The following TTLL9 variants were observed in gnomAD, a reference collection of about 807,000 sequenced individuals.
TTLL9 encodes tubulin tyrosine ligase like 9, also known as probable tubulin polyglutamylase TTLL9.
TTLL9 carries 47 observed loss-of-function variants against 65.6 expected under a neutral mutation model. The observed-to-expected ratio is 0.72, with a 90% CI of 0.57 to 0.91. The LOEUF is 0.91. Ranked by LOEUF, TTLL9 falls within the 40% of genes least tolerant of loss-of-function variation. TTLL9 has a pLI of 0.00. For synonymous variants in TTLL9, 179 were observed against 204.8 expected (o/e 0.87, Z 1.07); for missense variants, 537 against 568.8 (o/e 0.94, Z 0.57).
intron 6 of TTLL9, among the ~76,000 whole-genome samples, chr20:31,916,833 G>A (rs1330399109): frequency 6.6e-6 from 1 of 152,194 alleles, no homozygotes; most frequent in African/African-American, 2.4e-5. Flanking sequence ...TTAACAAGGA[G>A]AAACATCTTT....
intron 10 of TTLL9, among the ~76,000 whole-genome samples, chr20:31,931,587 T>G (rs1445054096): frequency 6.6e-6 from 1 of 152,210 alleles, no homozygotes; most frequent in African/African-American, 2.4e-5. Context: ...TACTTGCTAT[T>G]ATCTGTCTTT....
intron 10 of TTLL9, among the ~76,000 whole-genome samples, chr20:31,932,020 A>G (rs2064021874): frequency 6.6e-6 from 1 of 152,184 alleles, no homozygotes; most frequent in South Asian, 2.1e-4. Flanking sequence ...TTTGCCTCTT[A>G]TATTTAGGTC....
At chr20:31,901,102 C>T (rs982658245) in intron 4 of TTLL9, among the ~76,000 whole-genome samples, 7 of 152,212 alleles carry the variant, frequency 4.6e-5, no homozygotes, top group Admixed American at 3.9e-4. Context: ...TTCAGACTGC[C>T]AACCCATCAG....
chr20:31,941,753 T>C (rs1403730400), intron 14 of TTLL9, among the ~76,000 whole-genome samples: 1 of 152,108 alleles, frequency 6.6e-6, no homozygotes, highest in Non-Finnish European at 1.5e-5. Flanking sequence ...GTGATTTTTT[T>C]CCTGTAGAGA....
At chr20:31,884,287 G>A (rs550175134) in intron 2 of TTLL9, among the ~76,000 whole-genome samples, 20 of 152,128 alleles carry the variant, frequency 1.3e-4, no homozygotes, top group African/African-American at 3.6e-4. Flanking sequence ...GTGCAGTGGC[G>A]CAATCTCAGC....
In TTLL9 at chr20:31,908,664, G is replaced by A. The variant is rs748025431; in HGVS notation, c.280G>A (p.Glu94Lys). The change falls in exon 5 of 15, where the codon GAA becomes AAA. Residue 94 changes from glutamate (E) to lysine (K), a missense_variant. Glu to Lys is a moderately conservative substitution (Grantham distance 56). Transcript: ENST00000535842. The part of the protein sequence containing the change: ...RENFDHTYMD[E>K]HVRISHFRNH... Reference sequence around the variant, plus strand: ...GAACTTCGACCACACCTACATGGATGAACATGTGCGGATCAGTCACTTCCG... The same window carrying A: ...GAACTTCGACCACACCTACATGGATAAACATGTGCGGATCAGTCACTTCCG... 1 of 1,613,990 alleles carries A rather than the reference G, an allele frequency of 6.2e-7. No homozygotes were observed. The highest frequency in any genetic ancestry group is 8.5e-7 in the Non-Finnish European group (1 of 1,180,012).
rs1287511410 is a variant in TTLL9, at chr20:31,909,085, G to C, written c.318+383G>C. Among the ~76,000 whole-genome samples, 5 of 148,752 alleles carry C rather than the reference G, an allele frequency of 3.4e-5. No homozygotes were observed. The East Asian group carries it at 1.0e-3, about 30-fold the overall frequency. ...AGGACTGGAGGAGGCAGTGGTGGGA[G>C]ATTTTTAAAGGTTAGTGTAGCTTAG... On this transcript the variant is annotated intron_variant, in intron 5 of 14. Transcript: ENST00000535842.
At chr20:31,908,752 G>T in intron 5 of TTLL9, 50 bp downstream of exon 5, 4 of 1,400,430 alleles carry the variant, frequency 2.9e-6, no homozygotes, top group Non-Finnish European at 4.0e-6. Flanking sequence ...ATGTCACTGG[G>T]TGTGGCCATG....
chr20:31,937,349 C>T, intron 12 of TTLL9, 47 bp from the exon 13 acceptor site: 20 of 1,451,138 alleles, frequency 1.4e-5, no homozygotes, highest in Non-Finnish European at 1.9e-5. Flanking sequence ...CCTAGGGGCT[C>T]CAGGGACCGA....
Position 31,934,678 on chromosome 20 carries a change from T to TA in TTLL9, c.808-14_808-13insA. 1 of 1,602,382 alleles carries TA rather than the reference T, an allele frequency of 6.2e-7. No individual in the cohort carries two copies. Among genetic ancestry groups the TA allele is most frequent in the East Asian group, 2.2e-5 (1 of 44,776 alleles). ...ACTGAGGCTCCTCTCTCGACCCGGC[T>TA]GCCCGGGGCCCAGGGCTGCAAGTGG... is the stretch of plus-strand genomic sequence containing the variant. On this transcript the variant is annotated splice_polypyrimidine_tract_variant and intron_variant, in intron 11 of 14. Coordinates refer to ENST00000535842, the MANE Select transcript of TTLL9 (RefSeq NM_001008409.5).
Position 31,943,432 on chromosome 20 carries a change from C to A in TTLL9, c.*411C>A. ...CAGCCAAGTCCTCCTGGCTTTGACA[C>A]TTGGATACCTCCCAAGTCAGTGCTG... On this transcript the variant is annotated 3_prime_UTR_variant, in exon 15 of 15. Transcript: ENST00000535842. The A allele has an allele frequency of 3.1e-6, 1 of 325,650 alleles. No homozygotes were observed. Among genetic ancestry groups the A allele is most frequent in the Non-Finnish European group, 6.0e-6 (1 of 165,792 alleles). 20.2% of individuals were successfully genotyped at this position (325,650 alleles called of 1,614,324 possible).
At chr20:31,886,560 C>T (rs943332945) in intron 2 of TTLL9, among the ~76,000 whole-genome samples, 3 of 150,934 alleles carry the variant, frequency 2.0e-5, no homozygotes, top group African/African-American at 7.2e-5. Flanking sequence ...TGGCTCACAC[C>T]TGTAATTCCA....
intron 2 of TTLL9, among the ~76,000 whole-genome samples, chr20:31,873,838 AAG>A (rs748481995): frequency 1.1e-3 from 121 of 114,664 alleles, no homozygotes; most frequent in African/African-American, 2.7e-3. Flanking sequence ...GAAAGAAAGA[AAG>A]AAAGAAAGAA....
chr20:31,907,546 A>T (rs2123496330), intron 4 of TTLL9, among the ~76,000 whole-genome samples: 1 of 152,136 alleles, frequency 6.6e-6, no homozygotes, highest in East Asian at 1.9e-4. Flanking sequence ...ACATGGTGAA[A>T]CCCCATCTCT....
intron 3 of TTLL9, among the ~76,000 whole-genome samples, chr20:31,890,773 T>TGACAACAA (rs2063298437): frequency 6.6e-6 from 1 of 152,206 alleles, no homozygotes; most frequent in Non-Finnish European, 1.5e-5. Flanking sequence ...ATCCACCAAC[T>TGACAACAA]CCAGTCGTCA....
At chr20:31,923,840 C>G (rs775388675) in intron 8 of TTLL9, among the ~76,000 whole-genome samples, 16 of 152,046 alleles carry the variant, frequency 1.1e-4, no homozygotes, top group Non-Finnish European at 2.2e-4. Flanking sequence ...CCACAGTGAC[C>G]CCATCCTGTC....
At chr20:31,877,684 T>C (rs954813916) in intron 2 of TTLL9, among the ~76,000 whole-genome samples, 6 of 152,206 alleles carry the variant, frequency 3.9e-5, no homozygotes, top group African/African-American at 1.4e-4. Context: ...TGATTTATAA[T>C]GCCACCTCTA....
chr20:31,931,003 C>T (rs897747011), intron 10 of TTLL9, among the ~76,000 whole-genome samples: 7 of 151,634 alleles, frequency 4.6e-5, no homozygotes, highest in African/African-American at 1.7e-4. Flanking sequence ...TTCTGGGAGT[C>T]GTACTTCCTT....
At chr20:31,915,542 C>T (rs1459460244) in intron 6 of TTLL9, among the ~76,000 whole-genome samples, 1 of 152,076 alleles carries the variant, frequency 6.6e-6, no homozygotes, top group East Asian at 1.9e-4. Context: ...TAGAGCTGCC[C>T]CCAGAACTAG....
Sources: gnomAD v4.1 joint callset for allele counts (sites outside exome capture counted in the v4.1 genomes callset) on GRCh38, gnomAD v4.1.1 for gene constraint, MANE v1.5 for transcripts, NCBI Gene and HGNC (gene_info 2026-07-23, HGNC 2026-07-21) for gene names.